Variants in PLEKHG3 observed in about 807,000 individuals in gnomAD.
The protein encoded by PLEKHG3 is pleckstrin homology and RhoGEF domain containing G3.
Under a neutral mutation model 94.9 loss-of-function variants are expected in PLEKHG3, and 62 were observed. The observed-to-expected ratio is 0.65, with a 90% CI of 0.53 to 0.81. The LOEUF (loss-of-function observed/expected upper bound fraction) is 0.81, where lower values mean the gene tolerates loss of function less well. PLEKHG3 is among the 30% of genes least tolerant of loss of function. PLEKHG3 has a pLI of 0.00. For missense variants in PLEKHG3, 1,461 were observed against 1,619.3 expected (o/e 0.90, Z 1.68); for synonymous variants, 614 against 654.0 (o/e 0.94, Z 0.93).
At chr14:64,707,055 C>T (rs2080983081) in intron 1 of PLEKHG3, among the ~76,000 whole-genome samples, 1 of 152,240 alleles carries the variant, frequency 6.6e-6, no homozygotes, top group Non-Finnish European at 1.5e-5. Context: ...TCAGGCCGCC[C>T]CTCTGGCCCA....
rs1594730174 is a variant in PLEKHG3, at chr14:64,749,202, G to A, written c.*5499G>A. 6.4e-6 allele frequency: 9 copies of A among 1,404,194 alleles called. No homozygotes were observed. The highest frequency in any genetic ancestry group is 5.0e-5 in the South Asian group (4 of 80,304). 87.0% of individuals were successfully genotyped at this position (1,404,194 alleles called of 1,614,324 possible). Reference sequence around the variant, plus strand: ...GGCCCGGGGGCCCGGCCCGCGACTCGACTCATCTCGATTCGACCGGCGGGC... The same window carrying A: ...GGCCCGGGGGCCCGGCCCGCGACTCAACTCATCTCGATTCGACCGGCGGGC... On this transcript the variant is annotated 3_prime_UTR_variant, in exon 17 of 17. Transcript: ENST00000247226. This position sits in a 1 kb window ranked among gnomAD's most constrained non-coding sequence, Gnocchi z 4.7.
rs2139371212 is a variant in PLEKHG3, at chr14:64,720,631, T to C, written c.-39-6962T>C. Among the ~76,000 whole-genome samples, 1 of 152,352 alleles carries C rather than the reference T, an allele frequency of 6.6e-6. No homozygotes were observed. The highest frequency in any genetic ancestry group is 1.5e-5 in the Non-Finnish European group (1 of 68,032). On this transcript the variant is annotated intron_variant, in intron 1 of 16. Coordinates refer to ENST00000247226, the MANE Select transcript of PLEKHG3 (RefSeq NM_001308147.2). This position sits in a 1 kb window ranked among gnomAD's most constrained non-coding sequence, Gnocchi z 4.1. ...ACATATCAAGCCCCAAGACCAATGC[T>C]TTAAGTGATAGGGTGTTTCGAGTTC...
Position 64,728,954 on chromosome 14 carries a change from G to A in PLEKHG3, c.352-42G>A. The A allele has an allele frequency of 1.3e-6, 1 of 784,082 alleles. No homozygotes were observed. The highest frequency in any genetic ancestry group is 2.1e-6 in the Non-Finnish European group (1 of 466,946). 48.6% of individuals were successfully genotyped at this position (784,082 alleles called of 1,614,324 possible). ...GTGGCTAGGGAAGGTAGTGGGCAGG[G>A]TTGTGCCGGGGGCTAGGTTCTGACC... On this transcript the variant is annotated intron_variant, in intron 2 of 16. Coordinates refer to ENST00000247226, the MANE Select transcript of PLEKHG3 (RefSeq NM_001308147.2). This position sits in a 1 kb window ranked among gnomAD's most constrained non-coding sequence, Gnocchi z 5.9.
chr14:64,740,207 G>T (rs2081659476), intron 15 of PLEKHG3, among the ~76,000 whole-genome samples: 1 of 152,208 alleles, frequency 6.6e-6, no homozygotes, highest in Admixed American at 6.5e-5. Context: ...ATGTTGAACA[G>T]TGCAAGTCTA....
intron 1 of PLEKHG3, among the ~76,000 whole-genome samples, chr14:64,719,361 G>A (rs952375304): frequency 6.6e-6 from 1 of 152,000 alleles, no homozygotes; most frequent in Non-Finnish European, 1.5e-5. Flanking sequence ...CACCATTCTC[G>A]GTGGGCTTAC....
chr14:64,739,772 T>C lies in PLEKHG3; in HGVS notation c.1518+917T>C, dbSNP rs1377009344. Reference sequence around the variant, plus strand: ...TGGCAAAGGGGCAAGGAAGCTCCCTTGATCCTCATTTGTAAGGGATCTGAC... The same window carrying C: ...TGGCAAAGGGGCAAGGAAGCTCCCTCGATCCTCATTTGTAAGGGATCTGAC... On this transcript the variant is annotated intron_variant, in intron 15 of 16. Coordinates refer to ENST00000247226, the MANE Select transcript of PLEKHG3 (RefSeq NM_001308147.2). The surrounding 1 kb of genome is among the most constrained non-coding windows in gnomAD (Gnocchi z 4.1). 1.3e-5 allele frequency among the ~76,000 whole-genome samples: 2 copies of C among 152,182 alleles called. No individual in the cohort carries two copies. Among genetic ancestry groups the C allele is most frequent in the Non-Finnish European group, 2.9e-5 (2 of 68,028 alleles).
In PLEKHG3 at chr14:64,731,566, C is replaced by T. The variant is rs1311176309; in HGVS notation, c.1032+23C>T. Reference sequence around the variant, plus strand: ...CCGGTAACCAGGCCCTGCCCCATCTCCTCTGCCATCTTCTCTCCTTCCCAA... The same window carrying T: ...CCGGTAACCAGGCCCTGCCCCATCTTCTCTGCCATCTTCTCTCCTTCCCAA... On this transcript the variant is annotated intron_variant, in intron 8 of 16. Coordinates refer to ENST00000247226, the MANE Select transcript of PLEKHG3 (RefSeq NM_001308147.2). The surrounding 1 kb of genome is among the most constrained non-coding windows in gnomAD (Gnocchi z 6.1). 1.2e-6 allele frequency: 2 copies of T among 1,608,900 alleles called. No homozygotes were observed. The highest frequency in any genetic ancestry group is 2.7e-5 in the African/African-American group (2 of 74,792).
intron 12 of PLEKHG3, among the ~76,000 whole-genome samples, chr14:64,736,526 A>G (rs537241619): frequency 6.6e-6 from 1 of 152,278 alleles, no homozygotes; most frequent in African/African-American, 2.4e-5. Context: ...AGGGGGTAGC[A>G]TGGAACTGAG....
At position 64,743,467 on chromosome 14, in the gene PLEKHG3, C is replaced by CG. The variant is rs1566721370; in HGVS notation, c.3426dup (p.Arg1143AlafsTer67). 6.2e-7 allele frequency: 1 copy of CG among 1,613,200 alleles called. No homozygotes were observed. Among genetic ancestry groups the CG allele is most frequent in the East Asian group, 2.2e-5 (1 of 44,864 alleles). ...TGCAGACCTCACCCTGGAGGACAAC[C>CG]GGCGGGTGATTGTCATGGAGAAGGG... On this transcript the variant is annotated frameshift_variant, in exon 17 of 17. Coordinates refer to ENST00000247226, the MANE Select transcript of PLEKHG3 (RefSeq NM_001308147.2). LOFTEE classifies it low-confidence loss of function (END_TRUNC). The surrounding 1 kb of genome is among the most constrained non-coding windows in gnomAD (Gnocchi z 7.2).
At chr14:64,735,216 G>A (rs971607683) in intron 12 of PLEKHG3, among the ~76,000 whole-genome samples, 57 of 152,166 alleles carry the variant, frequency 3.7e-4, no homozygotes, top group Non-Finnish European at 7.2e-4. Flanking sequence ...TTGGTGTGTC[G>A]TGCCCCTCTT....
In PLEKHG3 at chr14:64,738,772, A is replaced by G. The variant is rs141719183; in HGVS notation, c.1435A>G (p.Arg479Gly). Residue 479 changes from arginine (R) to glycine (G), a missense_variant, in exon 15 of 17, where the codon AGG becomes GGG. Around this residue, in one of 3 missense-constraint regions of PLEKHG3, gnomAD observed 1,201 missense variants for 1,295.5 expected, o/e 0.93. Transcript: ENST00000247226. This position sits in a 1 kb window ranked among gnomAD's most constrained non-coding sequence, Gnocchi z 4.8. ...GGGGCGCAGGGAGTCTGAAAGCTCCAGGAGCAGCAGAAGGCCCAGTGGCCG... is the reference window on the plus strand; with the variant it reads ...GGGGCGCAGGGAGTCTGAAAGCTCCGGGAGCAGCAGAAGGCCCAGTGGCCG... ...GKGRRESESS[R>G]SSRRPSGRSP... 2.0e-3 allele frequency: 3,203 copies of G among 1,597,298 alleles called. 3 individuals are homozygous for G. The highest frequency in any genetic ancestry group is 2.5e-3 in the Non-Finnish European group (2,946 of 1,171,458).
Position 64,734,730 on chromosome 14 carries a change from TTTCCTTCC to T in PLEKHG3, c.1345+1844_1345+1851del, listed in dbSNP as rs1235472969. Among the ~76,000 whole-genome samples the T allele has an allele frequency of 7.3e-5, 10 of 136,626 alleles. No homozygotes were observed. The South Asian group carries it at 1.9e-3, about 26-fold the overall frequency. The allele number at this position is 136,626 out of a possible 152,430, so 89.6% of individuals were successfully genotyped here. A position where few individuals can be genotyped will look rare whatever the true frequency, so the allele number is the denominator to read the frequency against. On this transcript the variant is annotated intron_variant, in intron 12 of 16. Coordinates refer to ENST00000247226, the MANE Select transcript of PLEKHG3 (RefSeq NM_001308147.2). ...CCTCCCTCCCTTCCTTCCTTCCTTC[TTTCCTTCC>T]TTCCTTCCTTCCTTGTCTGTCACCC...
rs1255445722 is a variant in PLEKHG3 at position 64,743,032 on chromosome 14, C to G, written c.2989C>G (p.Gln997Glu). 1 of 1,613,048 alleles carries G rather than the reference C, an allele frequency of 6.2e-7. No individual in the cohort carries two copies. The highest frequency in any genetic ancestry group is 1.7e-5 in the Admixed American group (1 of 60,010). ...SLFDYEQLMA[Q>E]EHSPPKPSSA... ...ATTTGACTATGAGCAGCTGATGGCCCAGGAGCACAGCCCTCCCAAGCCCTC... is the reference window on the plus strand; with the variant it reads ...ATTTGACTATGAGCAGCTGATGGCCGAGGAGCACAGCCCTCCCAAGCCCTC... Residue 997 changes from glutamine to glutamate, a missense_variant, in exon 17 of 17, where the codon CAG (glutamine) becomes GAG (glutamate). This residue lies in a region of PLEKHG3 where 1,201 missense variants were observed against 1,295.5 expected (regional missense o/e 0.93). Coordinates refer to ENST00000247226, the MANE Select transcript of PLEKHG3 (RefSeq NM_001308147.2). The surrounding 1 kb of genome is among the most constrained non-coding windows in gnomAD (Gnocchi z 7.2).
rs781399563 is a variant in PLEKHG3 at position 64,750,164 on chromosome 14, T to C, written c.*6461T>C. On this transcript the variant is annotated 3_prime_UTR_variant, in exon 17 of 17. Transcript: ENST00000247226. Reference sequence around the variant, plus strand: ...CAGGTTGTTCCAGGACCTGCAAAGATGCAGACAGGCAGGTCACCCACATCC... The same window carrying C: ...CAGGTTGTTCCAGGACCTGCAAAGACGCAGACAGGCAGGTCACCCACATCC... 6.2e-7 allele frequency: 1 copy of C among 1,609,126 alleles called. No homozygotes were observed. Among genetic ancestry groups the C allele is most frequent in the African/African-American group, 1.3e-5 (1 of 74,954 alleles).
Position 64,743,316 on chromosome 14 carries a change from G to A in PLEKHG3, c.3273G>A (p.Leu1091=). 1.2e-6 allele frequency: 2 copies of A among 1,607,986 alleles called. No individual in the cohort carries two copies. The highest frequency in any genetic ancestry group is 1.7e-6 in the Non-Finnish European group (2 of 1,178,458). ...SVPENMVEPP[L]SGRVGRCRSL... The stretch of plus-strand genomic sequence containing the variant: ...CGGAGAACATGGTAGAGCCACCTCT[G>A]TCGGGCAGGGTGGGCCGCTGCCGCA... Residue 1091 remains leucine, a synonymous_variant, in exon 17 of 17, where the codon CTG becomes CTA. Coordinates refer to ENST00000247226, the MANE Select transcript of PLEKHG3 (RefSeq NM_001308147.2). This position sits in a 1 kb window ranked among gnomAD's most constrained non-coding sequence, Gnocchi z 7.2.
Position 64,749,243 on chromosome 14 carries a change from C to A in PLEKHG3, c.*5540C>A. ...ACCGGCGGGCGGCGGCGAGAGGAGG[C>A]CAAGGCCTGGGCTGCCCGGTCTCTG... On this transcript the variant is annotated 3_prime_UTR_variant, in exon 17 of 17. Transcript: ENST00000247226. This position sits in a 1 kb window ranked among gnomAD's most constrained non-coding sequence, Gnocchi z 4.7. 1 of 1,529,518 alleles carries A rather than the reference C, an allele frequency of 6.5e-7. No individual in the cohort carries two copies. The highest frequency in any genetic ancestry group is 1.4e-5 in the African/African-American group (1 of 72,942). 94.7% of individuals were successfully genotyped at this position (1,529,518 alleles called of 1,614,324 possible).
At chr14:64,708,975 A>G (rs1291073795) in intron 1 of PLEKHG3, among the ~76,000 whole-genome samples, 1 of 152,224 alleles carries the variant, frequency 6.6e-6, no homozygotes, top group African/African-American at 2.4e-5. Context: ...AGCCCCAAGC[A>G]TGTTAGTGTT....
In PLEKHG3 at chr14:64,749,793, C is replaced by A. The variant is rs1484150636; in HGVS notation, c.*6090C>A. Reference sequence around the variant, plus strand: ...TCCCACAATACCCTGAGCCGAACATCCAGACCCCTCTCAGGCAGCCCAGCA... The same window carrying A: ...TCCCACAATACCCTGAGCCGAACATACAGACCCCTCTCAGGCAGCCCAGCA... On this transcript the variant is annotated 3_prime_UTR_variant, in exon 17 of 17. Coordinates refer to ENST00000247226, the MANE Select transcript of PLEKHG3 (RefSeq NM_001308147.2). The surrounding 1 kb of genome is among the most constrained non-coding windows in gnomAD (Gnocchi z 4.7). 1.2e-5 allele frequency: 18 copies of A among 1,530,316 alleles called. No homozygotes were observed. Among genetic ancestry groups the A allele is most frequent in the Non-Finnish European group, 1.5e-5 (17 of 1,118,466 alleles). The allele number at this position is 1,530,316 out of a possible 1,614,324, so 94.8% of individuals were successfully genotyped here. A position where few individuals can be genotyped will look rare whatever the true frequency, so the allele number is the denominator to read the frequency against.
intron 3 of PLEKHG3, 36 bp downstream of exon 3, chr14:64,729,129 C>A: frequency 1.0e-6 from 1 of 968,262 alleles, no homozygotes; most frequent in Non-Finnish European, 1.6e-6. Flanking sequence ...CATGTTCTGC[C>A]TGCGAGGCCC....
Sources: allele counts gnomAD v4.1 joint callset (sites outside exome capture counted in the v4.1 genomes callset), GRCh38; gene constraint gnomAD v4.1.1; regional missense constraint gnomAD v4.1.1; non-coding constraint Gnocchi (gnomAD v3.1); transcripts MANE v1.5; gene names NCBI Gene and HGNC (gene_info 2026-07-23, HGNC 2026-07-21).